ZNG1E: variants seen among roughly 807,000 people sequenced by gnomAD.
ZNG1E encodes the protein Zn regulated GTPase metalloprotein activator 1E.
chr9:65,678,377 A>T, the ZNG1E span, among the ~76,000 whole-genome samples: 1 of 143,170 alleles, frequency 7.0e-6, no homozygotes, highest in Non-Finnish European at 1.5e-5. Flanking sequence ...AATATGACCT[A>T]AAAGATATTA....
At chr9:65,714,821 T>C in the ZNG1E span, among the ~76,000 whole-genome samples, 1 of 152,058 alleles carries the variant, frequency 6.6e-6, no homozygotes, top group South Asian at 2.1e-4. Context: ...CAGGGACACT[T>C]AAGTCTGCGG....
chr9:65,717,626 C>T, the ZNG1E span, among the ~76,000 whole-genome samples: 1 of 149,396 alleles, frequency 6.7e-6, no homozygotes, highest in African/African-American at 2.6e-5. Flanking sequence ...TCCTGTGATA[C>T]ATTTAAATGT....
chr9:65,661,827 G>A, the ZNG1E span, among the ~76,000 whole-genome samples: 22 of 151,996 alleles, frequency 1.4e-4, no homozygotes, highest in Middle Eastern at 3.4e-3. Context: ...AACTGGATTG[G>A]GATGATTGTG....
the ZNG1E span, among the ~76,000 whole-genome samples, chr9:65,687,414 C>A: frequency 3.3e-5 from 5 of 150,586 alleles, no homozygotes; most frequent in Non-Finnish European, 7.4e-5. Context: ...TTATACACTT[C>A]ATTGATTCAA....
At chr9:65,717,655 T>G in the ZNG1E span, among the ~76,000 whole-genome samples, 1 of 149,442 alleles carries the variant, frequency 6.7e-6, no homozygotes, top group Admixed American at 6.6e-5. Flanking sequence ...GGGGAACAAA[T>G]GAAACAATGC....
chr9:65,698,991 A>G, the ZNG1E span, among the ~76,000 whole-genome samples: 1 of 145,982 alleles, frequency 6.9e-6, no homozygotes, highest in Non-Finnish European at 1.5e-5. Context: ...GGTTCAAGCG[A>G]TTCTCCTGCC....
At chr9:65,691,650 T>G in the ZNG1E span, among the ~76,000 whole-genome samples, 3 of 152,252 alleles carry the variant, frequency 2.0e-5, no homozygotes, top group African/African-American at 7.2e-5. Context: ...TAATGTAATG[T>G]TAGAGCCTTT....
the ZNG1E span, among the ~76,000 whole-genome samples, chr9:65,687,552 G>A: frequency 6.6e-6 from 1 of 152,206 alleles, no homozygotes; most frequent in Non-Finnish European, 1.5e-5. Flanking sequence ...TGATTGGCTG[G>A]ATTTCTTTGT....
the ZNG1E span, among the ~76,000 whole-genome samples, chr9:65,714,882 C>T: frequency 3.3e-5 from 5 of 152,068 alleles, no homozygotes; most frequent in East Asian, 7.7e-4. Flanking sequence ...AGAGGTGGAG[C>T]CTACAGAGGC....
chr9:65,710,716 C>A, the ZNG1E span, among the ~76,000 whole-genome samples: 7 of 149,884 alleles, frequency 4.7e-5, no homozygotes, highest in East Asian at 1.9e-4. Context: ...TGATCTATAT[C>A]TCTGTTTTGG....
the ZNG1E span, among the ~76,000 whole-genome samples, chr9:65,657,520 A>T: frequency 6.6e-6 from 1 of 152,278 alleles, no homozygotes; most frequent in African/African-American, 2.4e-5. Context: ...CTAAAAATGA[A>T]AACAGTTGAA....
the ZNG1E span, among the ~76,000 whole-genome samples, chr9:65,685,748 C>A: frequency 6.6e-6 from 1 of 152,258 alleles, no homozygotes; most frequent in East Asian, 1.9e-4. Flanking sequence ...CATGTTGATA[C>A]TTTGATCTCC....
the ZNG1E span, chr9:65,708,710 A>C: frequency 1.1e-6 from 1 of 891,366 alleles, no homozygotes; most frequent in Admixed American, 2.9e-5. Flanking sequence ...GTTTAAAAAA[A>C]ACCTAATTCA....
At chr9:65,702,519 G>A in the ZNG1E span, among the ~76,000 whole-genome samples, 2 of 148,144 alleles carry the variant, frequency 1.4e-5, no homozygotes, top group Admixed American at 6.8e-5. Flanking sequence ...CAGACTGGGG[G>A]CAAAGCAACT....
At chr9:65,685,105 G>A in the ZNG1E span, among the ~76,000 whole-genome samples, 1 of 149,628 alleles carries the variant, frequency 6.7e-6, no homozygotes. Context: ...TATAAAATGT[G>A]TAATAGAATT....
At chr9:65,709,990 T>C in the ZNG1E span, among the ~76,000 whole-genome samples, 2 of 149,534 alleles carry the variant, frequency 1.3e-5, no homozygotes, top group African/African-American at 2.5e-5. Context: ...AGTGTTCCTA[T>C]TTCTCCACAT....
the ZNG1E span, among the ~76,000 whole-genome samples, chr9:65,709,220 A>G: frequency 6.9e-6 from 1 of 145,330 alleles, no homozygotes; most frequent in Admixed American, 6.8e-5. Flanking sequence ...ACCAAACACT[A>G]TGTCTAATAC....
chr9:65,720,080 T>A, the ZNG1E span: 3 of 1,593,606 alleles, frequency 1.9e-6, no homozygotes. Flanking sequence ...GAACACAACC[T>A]CACCTTGATC....
the ZNG1E span, among the ~76,000 whole-genome samples, chr9:65,715,571 C>T: frequency 2.7e-4 from 37 of 137,612 alleles, no homozygotes; most frequent in African/African-American, 8.7e-4. Flanking sequence ...ATGAGATCTA[C>T]CCTCTTAACA....
Sources: gnomAD v4.1 joint callset for allele counts (sites outside exome capture counted in the v4.1 genomes callset) on GRCh38, gnomAD v4.1.1 for gene constraint, MANE v1.5 for transcripts, NCBI Gene and HGNC (gene_info 2026-07-23, HGNC 2026-07-21) for gene names.